ACAD10: variants seen among roughly 807,000 people sequenced by gnomAD.
ACAD10 encodes ACAD-10.
ACAD10 carries 112 observed loss-of-function variants against 116.8 expected under a neutral mutation model. That is an observed-to-expected ratio of 0.96 (90% CI 0.82 to 1.12). ACAD10 has a LOEUF of 1.12. Ranked by LOEUF, ACAD10 falls within the 50% of genes most tolerant of loss-of-function variation. The probability of loss-of-function intolerance (pLI) is 0.00; values close to 1 mark genes in which losing one functional copy is unlikely to be tolerated. For missense variants in ACAD10, 1,259 were observed against 1,350.2 expected (o/e 0.93, Z 1.06); for synonymous variants, 486 against 510.6 (o/e 0.95, Z 0.65).
At chr12:111,694,070 C>T (rs2135943228) in intron 2 of ACAD10, among the ~76,000 whole-genome samples, 1 of 152,300 alleles carries the variant, frequency 6.6e-6, no homozygotes, top group African/African-American at 2.4e-5. Context: ...CTCCTTTTGA[C>T]CTTCTGTGGT....
In ACAD10 at chr12:111,695,247, C is replaced by T. The variant is rs560119605; in HGVS notation, c.187+2351C>T. 7.9e-5 allele frequency among the ~76,000 whole-genome samples: 12 copies of T among 152,304 alleles called. No homozygotes were observed. In the South Asian group the frequency reaches 2.5e-3, roughly 32 times the overall value. On this transcript the variant is annotated intron_variant, in intron 2 of 20. Transcript: ENST00000313698. ...GTTTGTGCCTTTGCAAGCTGTGTTT[C>T]CTCCCTGCCTCCTCTGCCTGTTCAA...
intron 7 of ACAD10, among the ~76,000 whole-genome samples, chr12:111,719,864 A>T (rs1460715409): frequency 2.0e-5 from 3 of 152,088 alleles, no homozygotes; most frequent in Non-Finnish European, 4.4e-5. Context: ...AGTAGATGGG[A>T]CTACAGGTGC....
chr12:111,696,195 A>C (rs1162723082), intron 2 of ACAD10, among the ~76,000 whole-genome samples: 1 of 151,878 alleles, frequency 6.6e-6, no homozygotes, highest in Non-Finnish European at 1.5e-5. Flanking sequence ...AGTAGCTGGG[A>C]CTACAGGTGT....
chr12:111,753,940 C>T, intron 19 of ACAD10, 25 bp downstream of exon 19: 3 of 1,576,608 alleles, frequency 1.9e-6, no homozygotes, highest in Non-Finnish European at 2.6e-6. Flanking sequence ...ACGAGGGGGC[C>T]TCCCAGAGGC....
At chr12:111,713,886 A>G (rs112381390) in intron 6 of ACAD10, among the ~76,000 whole-genome samples, 2,375 of 149,786 alleles carry the variant, frequency 0.016, 74 homozygotes, top group African/African-American at 0.055. Context: ...ACGGTGAGCT[A>G]AGATAGTGCC....
At chr12:111,729,634 T>G (rs931532631) in intron 9 of ACAD10, among the ~76,000 whole-genome samples, 172 bp from the exon 10 acceptor site, 1 of 152,134 alleles carries the variant, frequency 6.6e-6, no homozygotes, top group Non-Finnish European at 1.5e-5. Context: ...ACTTCCACCT[T>G]GGGGCAGCAG....
Position 111,756,573 on chromosome 12 carries a change from C to T in ACAD10, c.*100C>T. 1.3e-6 allele frequency: 2 copies of T among 1,522,766 alleles called. No homozygotes were observed. The highest frequency in any genetic ancestry group is 1.8e-6 in the Non-Finnish European group (2 of 1,128,878). 94.3% of individuals were successfully genotyped at this position (1,522,766 alleles called of 1,614,324 possible). On this transcript the variant is annotated 3_prime_UTR_variant, in exon 21 of 21. Transcript: ENST00000313698. ...AGATCCGGTGTTTGTGGCTCCTGCA[C>T]CCTGCTCAGCAGCTCTGTCCCGGGA...
rs553254081 is a variant in ACAD10 at position 111,756,924 on chromosome 12, G to A, written c.*451G>A. 3.5e-5 allele frequency: 16 copies of A among 457,304 alleles called. No individual in the cohort carries two copies. Among genetic ancestry groups the A allele is most frequent in the Admixed American group, 1.9e-4 (8 of 42,594 alleles). The allele number at this position is 457,304 out of a possible 1,614,324, so 28.3% of individuals were successfully genotyped here. A position where few individuals can be genotyped will look rare whatever the true frequency, so the allele number is the denominator to read the frequency against. ...GAGCAGAGGGGCGGCCACGGCGGGC[G>A]GTGGCCTAGAGACCCAGGACCTGGG... On this transcript the variant is annotated 3_prime_UTR_variant, in exon 21 of 21. Transcript: ENST00000313698.
At chr12:111,701,407 CACAG>C (rs1169846003) in intron 2 of ACAD10, among the ~76,000 whole-genome samples, 1 of 83,656 alleles carries the variant, frequency 1.2e-5, no homozygotes, top group African/African-American at 6.6e-5. Flanking sequence ...TGTAATCACA[CACAG>C]TACCTTGGGA....
intron 12 of ACAD10, among the ~76,000 whole-genome samples, chr12:111,742,172 T>C (rs1051729834): frequency 2.0e-5 from 3 of 152,206 alleles, no homozygotes; most frequent in Non-Finnish European, 4.4e-5. Flanking sequence ...TCCAAGCTTA[T>C]ACAAGTGACT....
In ACAD10 at chr12:111,744,888, A is replaced by G. The variant is rs149610201; in HGVS notation, c.1960A>G (p.Ile654Val). 111 of 1,613,982 alleles carry G rather than the reference A, an allele frequency of 6.9e-5. No individual in the cohort carries two copies. Among genetic ancestry groups the G allele is most frequent in the Middle Eastern group, 1.6e-4 (1 of 6,084 alleles). ...PAHTSRGGLV[I>V]SPESLSPPVR... The stretch of plus-strand genomic sequence containing the variant: ...TCATACCTCAAGGGGAGGTCTGGTT[A>G]TCTCTCCAGAGAGCCTCTCTCCACC... Residue 654 changes from isoleucine to valine, a missense_variant, in exon 13 of 21, where the codon ATC becomes GTC. Physicochemically the swap from Ile to Val is conservative, Grantham distance 29. Transcript: ENST00000313698.
At chr12:111,693,065 G>A (rs1363397802) in intron 2 of ACAD10, 169 bp downstream of exon 2, 13 of 648,806 alleles carry the variant, frequency 2.0e-5, no homozygotes, top group Non-Finnish European at 3.4e-5. Context: ...TGTCTTGGGC[G>A]CATGATTCAG....
In ACAD10 at chr12:111,756,949, G is replaced by C. The variant is rs1280805979; in HGVS notation, c.*476G>C. 1 of 447,730 alleles carries C rather than the reference G, an allele frequency of 2.2e-6. No individual in the cohort carries two copies. Among genetic ancestry groups the C allele is most frequent in the South Asian group, 1.6e-5 (1 of 64,036 alleles). The allele number at this position is 447,730 out of a possible 1,614,324, so 27.7% of individuals were successfully genotyped here. ...GGTGGCCTAGAGACCCAGGACCTGG[G>C]CGCCTGGGAAAATGGAATGCAACCC... On this transcript the variant is annotated 3_prime_UTR_variant, in exon 21 of 21. Coordinates refer to ENST00000313698, the MANE Select transcript of ACAD10 (RefSeq NM_025247.6).
At chr12:111,706,087 G>C (rs1277528256) in intron 4 of ACAD10, among the ~76,000 whole-genome samples, 155 bp downstream of exon 4, 11 of 152,170 alleles carry the variant, frequency 7.2e-5, no homozygotes, top group Admixed American at 7.2e-4. Flanking sequence ...GTTGAAAACA[G>C]ACCCTTTAAG....
intron 4 of ACAD10, among the ~76,000 whole-genome samples, chr12:111,707,516 T>A (rs957700693): frequency 3.3e-5 from 5 of 152,244 alleles, no homozygotes; most frequent in African/African-American, 1.2e-4. Flanking sequence ...AGAGTTGTGA[T>A]GGATCAGAAG....
intron 16 of ACAD10, 57 bp downstream of exon 16, chr12:111,747,442 C>T (rs1034132685): frequency 3.6e-5 from 58 of 1,601,092 alleles, no homozygotes; most frequent in Non-Finnish European, 4.4e-5. Flanking sequence ...TGCTGTTAGG[C>T]GCGTCTCTCA....
intron 8 of ACAD10, among the ~76,000 whole-genome samples, chr12:111,725,242 T>C (rs1469719912): frequency 6.6e-6 from 1 of 152,104 alleles, no homozygotes; most frequent in Non-Finnish European, 1.5e-5. Context: ...GCATAGTGGC[T>C]CACTCCTGTA....
chr12:111,709,029 T>C (rs1888591000), intron 4 of ACAD10, among the ~76,000 whole-genome samples: 1 of 151,204 alleles, frequency 6.6e-6, no homozygotes, highest in Non-Finnish European at 1.5e-5. Context: ...ATACCTGTAA[T>C]AGTGTCTTCT....
At position 111,692,764 on chromosome 12, in the gene ACAD10, G is replaced by A. The variant is rs759670620; in HGVS notation, c.55G>A (p.Ala19Thr). The A allele has an allele frequency of 2.5e-6, 4 of 1,614,100 alleles. No homozygotes were observed. In the East Asian group the frequency reaches 8.9e-5, roughly 36 times the overall value. The change falls in exon 2 of 21, where the codon GCC (alanine) becomes ACC (threonine). Residue 19 changes from alanine (A) to threonine (T), a missense_variant. Coordinates refer to ENST00000313698, the MANE Select transcript of ACAD10 (RefSeq NM_025247.6). ...SPRLQWVWRT[A>T]FLKHTQRRHQ... is the part of the protein sequence containing the mutation. ...CCGTCTCCAGTGGGTGTGGAGAACA[G>A]CCTTCCTGAAACACACCCAGCGCAG...
Sources: allele counts gnomAD v4.1 joint callset (sites outside exome capture counted in the v4.1 genomes callset), GRCh38; gene constraint gnomAD v4.1.1; transcripts MANE v1.5; gene names NCBI Gene and HGNC (gene_info 2026-07-23, HGNC 2026-07-21).